The following BMPR1B variants were observed in gnomAD, a reference collection of about 807,000 sequenced individuals.
The protein encoded by BMPR1B is bone morphogenetic protein receptor type 1B.
A neutral mutation model predicts 59.1 loss-of-function variants in BMPR1B; 12 were observed. The ratio of observed to expected loss-of-function variants is 0.20; its 90% CI spans 0.13 to 0.33. BMPR1B has a LOEUF of 0.33. Among genes scored for constraint, BMPR1B ranks in the 10% least tolerant of loss-of-function variants. BMPR1B has a pLI of 1.00. For synonymous variants in BMPR1B, 237 were observed against 207.3 expected (o/e 1.14, Z -1.23); for missense variants, 550 against 610.9 (o/e 0.90, Z 1.05).
intron 2 of BMPR1B, among the ~76,000 whole-genome samples, chr4:94,971,684 T>C (rs1452915294): frequency 6.6e-6 from 1 of 151,958 alleles, no homozygotes; most frequent in African/African-American, 2.4e-5. Flanking sequence ...ATATGAGCTT[T>C]TTAAGCATCT....
chr4:94,896,896 G>A (rs576463739), intron 2 of BMPR1B, among the ~76,000 whole-genome samples: 3 of 151,996 alleles, frequency 2.0e-5, no homozygotes, highest in Non-Finnish European at 4.4e-5. Context: ...AGAGGGTACT[G>A]CTTTGAAAGA....
intron 2 of BMPR1B, among the ~76,000 whole-genome samples, chr4:94,884,757 T>C (rs1232344596): frequency 6.6e-6 from 1 of 152,172 alleles, no homozygotes; most frequent in African/African-American, 2.4e-5. Context: ...AAACTTCCCT[T>C]CTCCATGTAT....
Position 94,817,876 on chromosome 4 carries a change from A to G in BMPR1B, c.-182-57955A>G, listed in dbSNP as rs146795059. On this transcript the variant is annotated intron_variant, in intron 1 of 12. Coordinates refer to ENST00000515059, the MANE Select transcript of BMPR1B (RefSeq NM_001203.3). ...GTTTCTTATTCTGATGGAATGTTTTATGTGCCTCAAACTCATGTTGAGGTG... is the reference window on the plus strand; with the variant it reads ...GTTTCTTATTCTGATGGAATGTTTTGTGTGCCTCAAACTCATGTTGAGGTG... Among the ~76,000 whole-genome samples the G allele has an allele frequency of 3.2e-3, 487 of 152,274 alleles. 3 individuals carry two copies. The highest frequency in any genetic ancestry group is 0.011 in the African/African-American group (451 of 41,564).
intron 2 of BMPR1B, among the ~76,000 whole-genome samples, chr4:94,994,973 G>A (rs1271604257): frequency 6.6e-6 from 1 of 152,190 alleles, no homozygotes; most frequent in African/African-American, 2.4e-5. Context: ...TGTAAGATGA[G>A]TAAGTGACCA....
At chr4:95,008,047 G>A (rs1722972496) in intron 3 of BMPR1B, among the ~76,000 whole-genome samples, 1 of 152,110 alleles carries the variant, frequency 6.6e-6, no homozygotes, top group Non-Finnish European at 1.5e-5. Context: ...TAGTTTGAGA[G>A]CCACTGAATT....
intron 1 of BMPR1B, among the ~76,000 whole-genome samples, chr4:94,781,877 T>C (rs1184759178): frequency 6.6e-6 from 1 of 152,176 alleles, no homozygotes; most frequent in African/African-American, 2.4e-5. Flanking sequence ...CTCATTGCAG[T>C]TTCCTTGTAT....
intron 2 of BMPR1B, among the ~76,000 whole-genome samples, chr4:94,929,549 C>T (rs1010243187): frequency 3.3e-5 from 5 of 152,054 alleles, no homozygotes. Flanking sequence ...CTCTCCTCAC[C>T]CACTTCTGAC....
At chr4:94,795,960 C>CT (rs1252576001) in intron 1 of BMPR1B, among the ~76,000 whole-genome samples, 1 of 132,146 alleles carries the variant, frequency 7.6e-6, no homozygotes, top group African/African-American at 3.2e-5. Flanking sequence ...TTTACGTAAG[C>CT]TTTTTTTAAC....
At chr4:94,948,023 C>T (rs1430651770) in intron 2 of BMPR1B, among the ~76,000 whole-genome samples, 42 of 152,174 alleles carry the variant, frequency 2.8e-4, no homozygotes, top group Admixed American at 2.7e-3. Context: ...ATTTAATTCT[C>T]AAGATCCTGT....
chr4:95,084,125 G>A (rs997792099), intron 3 of BMPR1B, among the ~76,000 whole-genome samples: 22 of 151,814 alleles, frequency 1.4e-4, no homozygotes, highest in African/African-American at 5.1e-4. Context: ...ATGTAAAAGT[G>A]GATGTCAGCT....
intron 1 of BMPR1B, among the ~76,000 whole-genome samples, chr4:94,817,880 GC>G (rs1272990613): frequency 6.6e-6 from 1 of 152,132 alleles, no homozygotes; most frequent in African/African-American, 2.4e-5. Context: ...TGTTTTATGT[GC>G]CTCAAACTCA....
At chr4:94,984,082 G>C (rs1271873484) in intron 2 of BMPR1B, among the ~76,000 whole-genome samples, 1 of 152,172 alleles carries the variant, frequency 6.6e-6, no homozygotes, top group Non-Finnish European at 1.5e-5. Context: ...GATATACTAA[G>C]CCAATTGGAG....
intron 2 of BMPR1B, among the ~76,000 whole-genome samples, chr4:94,913,498 T>G (rs1430503974): frequency 6.6e-6 from 1 of 152,198 alleles, no homozygotes; most frequent in Admixed American, 6.5e-5. Context: ...TCTTTGTCAT[T>G]TGATTTAAAT....
At chr4:94,786,107 A>G (rs1722753971) in intron 1 of BMPR1B, among the ~76,000 whole-genome samples, 1 of 152,238 alleles carries the variant, frequency 6.6e-6, no homozygotes, top group African/African-American at 2.4e-5. Context: ...ATAATATGCC[A>G]TAATAATTCG....
intron 2 of BMPR1B, among the ~76,000 whole-genome samples, chr4:94,972,957 C>T (rs780450766): frequency 2.6e-5 from 4 of 151,960 alleles, no homozygotes; most frequent in Non-Finnish European, 4.4e-5. Context: ...GGAACCAGAG[C>T]GAGTGCTTTT....
chr4:95,000,042 A>T (rs1242723250), intron 3 of BMPR1B, among the ~76,000 whole-genome samples: 6 of 152,204 alleles, frequency 3.9e-5, no homozygotes, highest in Non-Finnish European at 7.3e-5. Flanking sequence ...CATCATACAT[A>T]AAAGTACTTA....
chr4:95,115,183 C>T (rs974446979), intron 5 of BMPR1B, among the ~76,000 whole-genome samples: 1 of 152,112 alleles, frequency 6.6e-6, no homozygotes, highest in Non-Finnish European at 1.5e-5. Flanking sequence ...TAGGTTTGTG[C>T]AAGTGTACTC....
chr4:95,082,303 T>G (rs182279505), intron 3 of BMPR1B, among the ~76,000 whole-genome samples: 193 of 151,578 alleles, frequency 1.3e-3, no homozygotes, highest in African/African-American at 4.3e-3. Context: ...CGTAAAAGGG[T>G]CCCAAGAACA....
chr4:94,800,477 G>A, intron 1 of BMPR1B, among the ~76,000 whole-genome samples: 1 of 131,268 alleles, frequency 7.6e-6, no homozygotes, highest in African/African-American at 2.9e-5. Flanking sequence ...TGGTCAGCAA[G>A]TGGCCTTTTA....
Sources: allele counts gnomAD v4.1 joint callset (sites outside exome capture counted in the v4.1 genomes callset), GRCh38; gene constraint gnomAD v4.1.1; transcripts MANE v1.5; gene names NCBI Gene and HGNC (gene_info 2026-07-23, HGNC 2026-07-21).